ATG5: variants seen among roughly 807,000 people sequenced by gnomAD.
ATG5 encodes autophagy related 5, also known as autophagy protein 5.
ATG5 carries 14 observed loss-of-function variants against 36.5 expected under a neutral mutation model. The ratio of observed to expected loss-of-function variants is 0.38; its 90% CI spans 0.25 to 0.60. ATG5 has a LOEUF of 0.60. Ranked by LOEUF, ATG5 falls within the 20% of genes least tolerant of loss-of-function variation. ATG5 has a pLI of 0.60. For synonymous variants in ATG5, 95 were observed against 101.5 expected, an observed-to-expected ratio of 0.94 and a Z score of 0.38; for missense variants, 195 against 326.7, an observed-to-expected ratio of 0.60 and a Z score of 3.11.
chr6:106,230,152 G>C (rs935513718), intron 6 of ATG5, among the ~76,000 whole-genome samples: 8 of 152,306 alleles, frequency 5.3e-5, no homozygotes, highest in South Asian at 2.1e-4. Flanking sequence ...GACTCTTGTG[G>C]AAGCAGAGTT....
At chr6:106,287,412 A>G (rs1780122061) in intron 4 of ATG5, among the ~76,000 whole-genome samples, 1 of 152,248 alleles carries the variant, frequency 6.6e-6, no homozygotes, top group Non-Finnish European at 1.5e-5. Flanking sequence ...AGTTGGTTCA[A>G]AAACCTAACT....
Position 106,221,023 on chromosome 6 carries a change from G to A in ATG5, c.574-18934C>T, listed in dbSNP as rs1325521936. On this transcript the variant is annotated intron_variant, in intron 6 of 7. Coordinates refer to ENST00000369076, the MANE Select transcript of ATG5 (RefSeq NM_004849.4). ...GCTGAAGTTTGCAACTACCAAGAATGTATTATGCCAGCAGTAAATTAGGAA... is the reference window on the plus strand; with the variant it reads ...GCTGAAGTTTGCAACTACCAAGAATATATTATGCCAGCAGTAAATTAGGAA... 3.3e-5 allele frequency among the ~76,000 whole-genome samples: 5 copies of A among 152,200 alleles called. No individual in the cohort carries two copies. In the East Asian group the frequency reaches 7.7e-4, roughly 23 times the overall value.
intron 5 of ATG5, among the ~76,000 whole-genome samples, chr6:106,258,494 A>G (rs555053682): frequency 6.6e-6 from 1 of 152,314 alleles, no homozygotes; most frequent in South Asian, 2.1e-4. Flanking sequence ...AATAACTTAT[A>G]CACTTGTAAA....
In ATG5 at chr6:106,308,417, T is replaced by C. The variant is rs746030454; in HGVS notation, c.183A>G (p.Arg61=). 2.5e-6 allele frequency: 4 copies of C among 1,600,334 alleles called. No homozygotes were observed. The highest frequency in any genetic ancestry group is 3.4e-6 in the Non-Finnish European group (4 of 1,174,394). The change falls in exon 3 of 8, where the codon AGA becomes AGG. Residue 61 remains arginine (R), a synonymous_variant. Transcript: ENST00000369076. ...ACCATATCTCACTAATGTCTTCTTGTCTCATAACCTTCTGAAAGTGCTTTT... is the reference window on the plus strand; with the variant it reads ...ACCATATCTCACTAATGTCTTCTTGCCTCATAACCTTCTGAAAGTGCTTTT... ...KVKKHFQKVM[R]QEDISEIWFE... is the part of the protein sequence containing the mutation.
At position 106,295,924 on chromosome 6, in the gene ATG5, T is replaced by C. The variant is rs558057222; in HGVS notation, c.237-2818A>G. Among the ~76,000 whole-genome samples the C allele has an allele frequency of 2.0e-5, 3 of 152,276 alleles. No individual in the cohort carries two copies. The South Asian group carries it at 6.2e-4, about 32-fold the overall frequency. ...ACAAGTTAAACATAAGACTCAATCATAAATTATTTTTTTAACCCTCAATAT... is the reference window on the plus strand; with the variant it reads ...ACAAGTTAAACATAAGACTCAATCACAAATTATTTTTTTAACCCTCAATAT... On this transcript the variant is annotated intron_variant, in intron 3 of 7. Transcript: ENST00000369076.
At chr6:106,206,519 G>GGT (rs1776640886) in intron 6 of ATG5, among the ~76,000 whole-genome samples, 1 of 152,092 alleles carries the variant, frequency 6.6e-6, no homozygotes, top group South Asian at 2.1e-4. Flanking sequence ...GCATAGTTGT[G>GGT]GGCGCCTGTA....
chr6:106,264,755 C>T (rs148316514), intron 5 of ATG5, among the ~76,000 whole-genome samples: 11,408 of 152,022 alleles, frequency 0.075, 733 homozygotes, highest in Admixed American at 0.22. Context: ...GCTTCATAAG[C>T]GAAGGAGAAA....
chr6:106,271,089 TAA>T (rs1779435819), intron 5 of ATG5, among the ~76,000 whole-genome samples: 1 of 152,204 alleles, frequency 6.6e-6, no homozygotes, highest in African/African-American at 2.4e-5. Context: ...CTCCCCTGCT[TAA>T]AAGTCCTCCA....
chr6:106,215,274 A>T (rs1053640401), intron 6 of ATG5, among the ~76,000 whole-genome samples: 1 of 152,220 alleles, frequency 6.6e-6, no homozygotes, highest in Non-Finnish European at 1.5e-5. Flanking sequence ...CTTGATGCCC[A>T]GTTAAGTGTC....
chr6:106,297,790 G>A (rs1168124216), intron 3 of ATG5, among the ~76,000 whole-genome samples: 1 of 149,578 alleles, frequency 6.7e-6, no homozygotes, highest in Non-Finnish European at 1.5e-5. Context: ...GTTCATTGGG[G>A]CTGGGCATGG....
chr6:106,226,971 A>G (rs977647938), intron 6 of ATG5, among the ~76,000 whole-genome samples: 2 of 152,112 alleles, frequency 1.3e-5, no homozygotes, highest in Admixed American at 6.6e-5. Flanking sequence ...AAGAGACACC[A>G]TCAGGCATAC....
intron 6 of ATG5, among the ~76,000 whole-genome samples, chr6:106,230,361 T>C (rs1484540025): frequency 6.6e-6 from 1 of 152,144 alleles, no homozygotes; most frequent in Non-Finnish European, 1.5e-5. Flanking sequence ...TGTTATGAAA[T>C]ACTCAGGAAC....
intron 1 of ATG5, among the ~76,000 whole-genome samples, chr6:106,323,554 G>C (rs1173917974): frequency 6.6e-6 from 1 of 151,972 alleles, no homozygotes; most frequent in African/African-American, 2.4e-5. Context: ...ATATTCTTTA[G>C]TTGCTCAGTC....
At chr6:106,233,551 G>A (rs560680230) in intron 6 of ATG5, among the ~76,000 whole-genome samples, 1 of 152,282 alleles carries the variant, frequency 6.6e-6, no homozygotes, top group East Asian at 1.9e-4. Flanking sequence ...GCAACCCATG[G>A]CATACCTGAG....
intron 6 of ATG5, among the ~76,000 whole-genome samples, chr6:106,221,880 AAT>A (rs1026608828): frequency 2.6e-5 from 4 of 152,080 alleles, no homozygotes; most frequent in African/African-American, 4.8e-5. Flanking sequence ...GCATAATAAA[AAT>A]ATGAGTGTCT....
intron 1 of ATG5, among the ~76,000 whole-genome samples, chr6:106,316,700 T>C (rs1357756421): frequency 2.0e-5 from 3 of 152,144 alleles, no homozygotes; most frequent in African/African-American, 7.2e-5. Flanking sequence ...CTCCAGATAG[T>C]TTCTCCTCTC....
chr6:106,265,371 C>T (rs779470778), intron 5 of ATG5, among the ~76,000 whole-genome samples: 6 of 152,108 alleles, frequency 3.9e-5, no homozygotes, highest in South Asian at 2.1e-4. Context: ...TCAAGATCTA[C>T]GAAGAGACTT....
chr6:106,214,121 A>ATATT (rs992498911), intron 6 of ATG5, among the ~76,000 whole-genome samples: 2 of 152,240 alleles, frequency 1.3e-5, no homozygotes, highest in Non-Finnish European at 2.9e-5. Context: ...TGTCCCATGC[A>ATATT]TATTTGGCTT....
intron 5 of ATG5, among the ~76,000 whole-genome samples, chr6:106,256,388 G>A (rs1192082343): frequency 6.6e-6 from 1 of 152,108 alleles, no homozygotes; most frequent in East Asian, 1.9e-4. Flanking sequence ...AAATACTAAT[G>A]TGCAGGACCC....
Sources: gnomAD v4.1 joint callset for allele counts (sites outside exome capture counted in the v4.1 genomes callset) on GRCh38, gnomAD v4.1.1 for gene constraint, MANE v1.5 for transcripts, NCBI Gene and HGNC (gene_info 2026-07-23, HGNC 2026-07-21) for gene names.